Variants in CERS6 observed in about 807,000 individuals in gnomAD.
CERS6 encodes the protein ceramide synthase 6, also known as LAG1 homolog, ceramide synthase 6.
CERS6 carries 26 observed loss-of-function variants against 56.8 expected under a neutral mutation model. That is an observed-to-expected ratio of 0.46 (90% CI 0.34 to 0.63). The LOEUF (loss-of-function observed/expected upper bound fraction) is 0.63. Among genes scored for constraint, CERS6 ranks in the 30% least tolerant of loss-of-function variants. The pLI, the probability that CERS6 is intolerant of heterozygous loss-of-function variation, is 0.01. For synonymous variants in CERS6, 164 were observed against 173.3 expected (o/e 0.95, Z 0.42); for missense variants, 415 against 467.5 (o/e 0.89, Z 1.04).
chr2:168,577,925 A>G (rs1574076894), intron 3 of CERS6, among the ~76,000 whole-genome samples: 1 of 152,192 alleles, frequency 6.6e-6, no homozygotes, highest in Non-Finnish European at 1.5e-5. Flanking sequence ...GGACACAAGT[A>G]CATTGTCGTT....
intron 4 of CERS6, among the ~76,000 whole-genome samples, chr2:168,639,996 A>G (rs901433786): frequency 1.3e-5 from 2 of 152,188 alleles, no homozygotes; most frequent in African/African-American, 2.4e-5. Context: ...GACTATTCCA[A>G]AGCACAGACA....
At chr2:168,610,041 G>A (rs991951741) in intron 3 of CERS6, among the ~76,000 whole-genome samples, 1 of 144,968 alleles carries the variant, frequency 6.9e-6, no homozygotes, top group Non-Finnish European at 1.5e-5. Context: ...GCAGTGGCGC[G>A]ACCTCGGCTC....
intron 4 of CERS6, among the ~76,000 whole-genome samples, chr2:168,635,576 G>T (rs997185876): frequency 6.6e-6 from 1 of 152,144 alleles, no homozygotes; most frequent in Non-Finnish European, 1.5e-5. Flanking sequence ...CTCTGAGACC[G>T]GCAGCAGTAT....
intron 3 of CERS6, among the ~76,000 whole-genome samples, chr2:168,601,913 C>T (rs983321442): frequency 6.6e-6 from 1 of 152,096 alleles, no homozygotes; most frequent in Non-Finnish European, 1.5e-5. Flanking sequence ...TATTTGCATG[C>T]AGTGTTGAAC....
chr2:168,578,286 C>A (rs755278029), intron 3 of CERS6, among the ~76,000 whole-genome samples: 2 of 151,932 alleles, frequency 1.3e-5, no homozygotes, highest in Admixed American at 6.6e-5. Context: ...TAAAACCAAC[C>A]TATGGAGCCT....
At chr2:168,601,207 C>T (rs761020493) in intron 3 of CERS6, among the ~76,000 whole-genome samples, 1 of 152,084 alleles carries the variant, frequency 6.6e-6, no homozygotes, top group Non-Finnish European at 1.5e-5. Flanking sequence ...TTTCTTTTAC[C>T]ACCTAGAATT....
intron 8 of CERS6, among the ~76,000 whole-genome samples, chr2:168,762,645 T>G (rs1020621744): frequency 1.3e-5 from 2 of 152,218 alleles, no homozygotes; most frequent in African/African-American, 4.8e-5. Context: ...TGAATACAAC[T>G]ATTTCATGAG....
At position 168,773,341 on chromosome 2, in the gene CERS6, A is replaced by G. The variant is rs1684915005; in HGVS notation, c.*3679A>G. On this transcript the variant is annotated 3_prime_UTR_variant, in exon 10 of 10. Coordinates refer to ENST00000305747, the MANE Select transcript of CERS6 (RefSeq NM_203463.3). ...TGTCATTATCTCCAGAGAGGCTTCA[A>G]GAAATCCTTTGGAAATAAAAAGTTA... The G allele has an allele frequency of 6.6e-6, 1 of 152,270 alleles. No homozygotes were observed. Among genetic ancestry groups the G allele is most frequent in the South Asian group, 2.1e-4 (1 of 4,836 alleles). The allele number at this position is 152,270 out of a possible 1,614,324, so 9.4% of individuals were successfully genotyped here.
Position 168,579,632 on chromosome 2 carries a change from C to T in CERS6, c.407+18310C>T, listed in dbSNP as rs76994275. On this transcript the variant is annotated intron_variant, in intron 3 of 9. Coordinates refer to ENST00000305747, the MANE Select transcript of CERS6 (RefSeq NM_203463.3). Reference sequence around the variant, plus strand: ...CCCTTTCTCCTCTGAGATTTCTACTCATCACCCCAACCCTTGCCTGGCACA... The same window carrying T: ...CCCTTTCTCCTCTGAGATTTCTACTTATCACCCCAACCCTTGCCTGGCACA... Among the ~76,000 whole-genome samples, 472 of 152,274 alleles carry T rather than the reference C, an allele frequency of 3.1e-3. 5 individuals are homozygous for T. The highest frequency in any genetic ancestry group is 0.01 in the African/African-American group (433 of 41,562).
chr2:168,631,034 C>T lies in CERS6; in HGVS notation c.457C>T (p.Leu153=), dbSNP rs1387593156. Residue 153 remains leucine (L), a synonymous_variant, in exon 4 of 10, where the codon CTG becomes TTG. Coordinates refer to ENST00000305747, the MANE Select transcript of CERS6 (RefSeq NM_203463.3). ...LYVFTYGVRF[L]KKTPWLWNTR... is the part of the protein sequence containing the mutation. Reference sequence around the variant, plus strand: ...TGTATTTACCTACGGAGTCAGATTCCTGAAAAAGGTAGGATCTCTCAAACT... The same window carrying T: ...TGTATTTACCTACGGAGTCAGATTCTTGAAAAAGGTAGGATCTCTCAAACT... 1.7e-5 allele frequency: 25 copies of T among 1,506,972 alleles called. No individual in the cohort carries two copies. Among genetic ancestry groups the T allele is most frequent in the Non-Finnish European group, 1.9e-5 (21 of 1,102,928 alleles). 93.4% of individuals were successfully genotyped at this position (1,506,972 alleles called of 1,614,324 possible). A position where few individuals can be genotyped will look rare whatever the true frequency, so the allele number is the denominator to read the frequency against.
chr2:168,609,949 G>A (rs1684142902), intron 3 of CERS6, among the ~76,000 whole-genome samples: 1 of 150,976 alleles, frequency 6.6e-6, no homozygotes, highest in Non-Finnish European at 1.5e-5. Flanking sequence ...GTCACAAGCT[G>A]GGAGTGAAGA....
intron 1 of CERS6, among the ~76,000 whole-genome samples, chr2:168,516,069 T>C (rs779105182): frequency 1.3e-5 from 2 of 152,248 alleles, no homozygotes; most frequent in Non-Finnish European, 2.9e-5. Flanking sequence ...TTCAATACTT[T>C]AGTCTCCTTC....
chr2:168,662,826 A>G (rs1010572869), intron 4 of CERS6, among the ~76,000 whole-genome samples: 3 of 152,224 alleles, frequency 2.0e-5, no homozygotes, highest in Non-Finnish European at 2.9e-5. Flanking sequence ...TATGTGGTAT[A>G]AAGTCTTTGC....
intron 8 of CERS6, among the ~76,000 whole-genome samples, chr2:168,739,046 C>T (rs865989279): frequency 1.4e-5 from 2 of 143,052 alleles, no homozygotes; most frequent in South Asian, 2.3e-4. Flanking sequence ...CTGCCACACC[C>T]GGCTAATTTT....
intron 1 of CERS6, among the ~76,000 whole-genome samples, chr2:168,495,683 A>C (rs1292269453): frequency 6.6e-6 from 1 of 152,214 alleles, no homozygotes; most frequent in African/African-American, 2.4e-5. Context: ...TGAGAAAATT[A>C]AATGGCAGTT....
intron 3 of CERS6, among the ~76,000 whole-genome samples, chr2:168,597,309 C>T (rs1175346892): frequency 6.6e-6 from 1 of 151,922 alleles, no homozygotes; most frequent in Non-Finnish European, 1.5e-5. Flanking sequence ...TTTAAAGCAC[C>T]CTCTAACAAC....
intron 1 of CERS6, among the ~76,000 whole-genome samples, chr2:168,484,484 GT>G (rs148139443): frequency 2.7e-5 from 4 of 148,850 alleles, no homozygotes; most frequent in African/African-American, 2.5e-5. Context: ...GCTTCGCTTT[GT>G]TTTTTTTTTC....
At chr2:168,486,635 G>C (rs1361883741) in intron 1 of CERS6, among the ~76,000 whole-genome samples, 2 of 151,638 alleles carry the variant, frequency 1.3e-5, no homozygotes, top group East Asian at 3.9e-4. Context: ...TCAGTTGACT[G>C]TATTTGTGTG....
In CERS6 at chr2:168,694,158, C is replaced by A. The variant is rs532549079; in HGVS notation, c.517-801C>A. ...TACAACTCAATATAACAATTAAAAA[C>A]AACTCATCACAAATGTTTTTTGAAA... is the stretch of plus-strand genomic sequence containing the variant. On this transcript the variant is annotated intron_variant, in intron 5 of 9. Transcript: ENST00000305747. 1.6e-4 allele frequency among the ~76,000 whole-genome samples: 24 copies of A among 152,254 alleles called. No individual in the cohort carries two copies. The South Asian group carries it at 2.3e-3, about 14-fold the overall frequency.
Sources: gnomAD v4.1 joint callset for allele counts (sites outside exome capture counted in the v4.1 genomes callset) on GRCh38, gnomAD v4.1.1 for gene constraint, MANE v1.5 for transcripts, NCBI Gene and HGNC (gene_info 2026-07-23, HGNC 2026-07-21) for gene names.